Variants in COL25A1 observed in about 807,000 individuals in gnomAD.
COL25A1 encodes collagen alpha-1(XXV) chain.
In COL25A1, 103 loss-of-function variants were observed where a neutral mutation model predicts 128.4. The ratio of observed to expected loss-of-function variants is 0.80; its 90% CI spans 0.68 to 0.94. The LOEUF (loss-of-function observed/expected upper bound fraction) is 0.94. COL25A1 is among the 40% of genes least tolerant of loss of function. The pLI is 0.00. For synonymous variants in COL25A1, 279 were observed against 277.2 expected (o/e 1.01, Z -0.06); for missense variants, 745 against 840.0 (o/e 0.89, Z 1.40).
intron 21 of COL25A1, 92 bp downstream of exon 21, chr4:108,863,227 T>C: frequency 8.1e-7 from 1 of 1,230,210 alleles, no homozygotes; most frequent in East Asian, 2.4e-5. Flanking sequence ...TTGGGCTGTT[T>C]TAATACCTGT....
intron 8 of COL25A1, among the ~76,000 whole-genome samples, chr4:108,970,445 G>T (rs1751788659): frequency 6.6e-6 from 1 of 151,980 alleles, no homozygotes; most frequent in Admixed American, 6.6e-5. Flanking sequence ...ACTTTTAATT[G>T]ACAAATACAA....
At chr4:109,262,852 G>A (rs940499909) in intron 3 of COL25A1, among the ~76,000 whole-genome samples, 1 of 151,890 alleles carries the variant, frequency 6.6e-6, no homozygotes, top group African/African-American at 2.4e-5. Context: ...CTTTCAGGCC[G>A]AGTGCAGTGA....
intron 3 of COL25A1, among the ~76,000 whole-genome samples, chr4:109,166,389 C>T (rs562132343): frequency 6.6e-6 from 1 of 152,170 alleles, no homozygotes; most frequent in African/African-American, 2.4e-5. Flanking sequence ...CACTTTCCTT[C>T]TTTTATGTCC....
At chr4:109,017,848 C>T (rs1399391592) in intron 5 of COL25A1, among the ~76,000 whole-genome samples, 1 of 152,094 alleles carries the variant, frequency 6.6e-6, no homozygotes, top group Non-Finnish European at 1.5e-5. Flanking sequence ...AAGAAATTGC[C>T]TCAATAACTC....
At chr4:108,882,478 C>T (rs143080523) in intron 19 of COL25A1, among the ~76,000 whole-genome samples, 1 of 152,184 alleles carries the variant, frequency 6.6e-6, no homozygotes, top group Non-Finnish European at 1.5e-5. Flanking sequence ...ATTTATAATG[C>T]TACAAGGTTA....
At chr4:109,164,388 G>A (rs924594867) in intron 3 of COL25A1, among the ~76,000 whole-genome samples, 6 of 151,088 alleles carry the variant, frequency 4.0e-5, no homozygotes, top group Admixed American at 2.7e-4. Flanking sequence ...GGAGATTGGA[G>A]TTTGACCTAA....
chr4:109,078,519 A>C (rs1763571202), intron 3 of COL25A1, among the ~76,000 whole-genome samples: 1 of 152,240 alleles, frequency 6.6e-6, no homozygotes, highest in Admixed American at 6.5e-5. Flanking sequence ...AAGCATGTTT[A>C]AACAATATTT....
chr4:108,937,697 C>A, intron 11 of COL25A1, 111 bp downstream of exon 11: 1 of 872,662 alleles, frequency 1.1e-6, no homozygotes, highest in South Asian at 2.0e-5. Flanking sequence ...TACTAATTTT[C>A]ACTTTTTTAT....
intron 35 of COL25A1, among the ~76,000 whole-genome samples, chr4:108,821,055 C>T (rs910800946): frequency 2.0e-5 from 3 of 152,088 alleles, no homozygotes; most frequent in African/African-American, 7.2e-5. Flanking sequence ...ATGGGAGTTA[C>T]AATAAAACTG....
intron 2 of COL25A1, among the ~76,000 whole-genome samples, chr4:109,301,480 G>A (rs1353625127): frequency 1.3e-5 from 2 of 152,190 alleles, no homozygotes; most frequent in African/African-American, 4.8e-5. Context: ...CTTCCTATGT[G>A]TTTAACACGC....
At chr4:109,219,073 G>T (rs1003423067) in intron 3 of COL25A1, among the ~76,000 whole-genome samples, 3 of 152,042 alleles carry the variant, frequency 2.0e-5, no homozygotes, top group African/African-American at 7.2e-5. Flanking sequence ...TTATATTAAT[G>T]AGTTAGTACA....
intron 3 of COL25A1, among the ~76,000 whole-genome samples, chr4:109,174,835 A>G (rs1229524322): frequency 6.6e-6 from 1 of 152,190 alleles, no homozygotes; most frequent in East Asian, 1.9e-4. Context: ...GCAGACTACT[A>G]CTGGTCCATG....
At chr4:109,108,173 CT>C (rs1411120554) in intron 3 of COL25A1, among the ~76,000 whole-genome samples, 1 of 152,230 alleles carries the variant, frequency 6.6e-6, no homozygotes, top group Non-Finnish European at 1.5e-5. Context: ...AATGCTATCC[CT>C]TCCGGCTCCC....
intron 6 of COL25A1, 64 bp from the exon 7 acceptor site, chr4:108,974,623 G>T: frequency 7.7e-7 from 1 of 1,301,952 alleles, no homozygotes; most frequent in Non-Finnish European, 1.1e-6. Context: ...GAATAGATCA[G>T]CCAGGTTAGT....
At chr4:108,815,014 C>T (rs760568372) in intron 37 of COL25A1, among the ~76,000 whole-genome samples, 4 of 152,156 alleles carry the variant, frequency 2.6e-5, no homozygotes, top group Non-Finnish European at 4.4e-5. Flanking sequence ...ATATTCTTGC[C>T]TGTCATGCCA....
chr4:109,120,574 C>T (rs1560725602), intron 3 of COL25A1, among the ~76,000 whole-genome samples: 1 of 151,894 alleles, frequency 6.6e-6, no homozygotes, highest in Non-Finnish European at 1.5e-5. Context: ...TTTGGGAGGC[C>T]AAGGCTAGTG....
At chr4:108,972,992 A>T (rs547177512) in intron 8 of COL25A1, among the ~76,000 whole-genome samples, 10 of 152,310 alleles carry the variant, frequency 6.6e-5, no homozygotes, top group African/African-American at 2.4e-4. Context: ...CATACTGATG[A>T]CAGCTAAGCT....
At chr4:109,085,562 T>C (rs754454002) in intron 3 of COL25A1, among the ~76,000 whole-genome samples, 3 of 152,206 alleles carry the variant, frequency 2.0e-5, no homozygotes, top group Non-Finnish European at 4.4e-5. Flanking sequence ...TTATGTTAAG[T>C]AAGCTTCCTT....
At chr4:109,222,223 C>T (rs775194814) in intron 3 of COL25A1, among the ~76,000 whole-genome samples, 2 of 151,698 alleles carry the variant, frequency 1.3e-5, no homozygotes, top group Non-Finnish European at 1.5e-5. Context: ...GCCACCACAT[C>T]CTGCTAATTT....
Sources: allele counts gnomAD v4.1 joint callset (sites outside exome capture counted in the v4.1 genomes callset), GRCh38; gene constraint gnomAD v4.1.1; transcripts MANE v1.5; gene names NCBI Gene and HGNC (gene_info 2026-07-23, HGNC 2026-07-21).